Variants in PHLPP1 observed in about 807,000 individuals in gnomAD.
PHLPP1 encodes PH domain and leucine rich repeat protein phosphatase 1, also known as PH domain leucine-rich repeat-containing protein phosphatase 1.
PHLPP1 carries 42 observed loss-of-function variants against 117.2 expected under a neutral mutation model. The observed-to-expected ratio is 0.36, with a 90% CI of 0.28 to 0.46. PHLPP1 has a LOEUF of 0.46. Among genes scored for constraint, PHLPP1 ranks in the 20% least tolerant of loss-of-function variants. The pLI, the probability that PHLPP1 is intolerant of heterozygous loss-of-function variation, is 1.00. For synonymous variants in PHLPP1, 1,042 were observed against 970.7 expected (o/e 1.07, Z -1.37); for missense variants, 2,084 against 2,241.9 (o/e 0.93, Z 1.42).
intron 7 of PHLPP1, among the ~76,000 whole-genome samples, chr18:62,903,756 C>T (rs965049823): frequency 3.4e-5 from 5 of 145,136 alleles, no homozygotes; most frequent in Admixed American, 7.0e-5. Flanking sequence ...GTTGACAGAG[C>T]GAGACCCTGT....
chr18:62,876,290 G>A (rs1300814670), intron 4 of PHLPP1, among the ~76,000 whole-genome samples: 1 of 152,032 alleles, frequency 6.6e-6, no homozygotes, highest in Non-Finnish European at 1.5e-5. Context: ...CACTCATCTT[G>A]CAAGAATGTG....
At chr18:62,720,203 C>T (rs896375496) in intron 1 of PHLPP1, among the ~76,000 whole-genome samples, 12 of 151,992 alleles carry the variant, frequency 7.9e-5, no homozygotes, top group African/African-American at 2.9e-4. Context: ...TAAGGTTGCT[C>T]GACATAAGTT....
At chr18:62,763,445 C>T (rs1441226153) in intron 1 of PHLPP1, among the ~76,000 whole-genome samples, 1 of 152,160 alleles carries the variant, frequency 6.6e-6, no homozygotes, top group Non-Finnish European at 1.5e-5. Context: ...TGGACTCTAC[C>T]TTTTGCCAGG....
rs192105679 is a variant in PHLPP1, at chr18:62,881,782, T to C, written c.2067-13229T>C. On this transcript the variant is annotated intron_variant, in intron 4 of 16. Coordinates refer to ENST00000262719, the MANE Select transcript of PHLPP1 (RefSeq NM_194449.4). ...ATGTGGATTCATTTTAGAAGTCATA[T>C]AGGGACGACAGGAAAAGCACTGTAC... Among the ~76,000 whole-genome samples the C allele has an allele frequency of 8.7e-4, 132 of 152,326 alleles. 1 individual carries two copies. The highest frequency in any genetic ancestry group is 3.1e-3 in the African/African-American group (129 of 41,574).
At chr18:62,897,105 A>T (rs1916582614) in intron 6 of PHLPP1, among the ~76,000 whole-genome samples, 2 of 152,118 alleles carry the variant, frequency 1.3e-5, no homozygotes, top group Non-Finnish European at 2.9e-5. Context: ...GCCCTATTTT[A>T]TTCATCCACC....
chr18:62,866,308 G>A (rs924311763), intron 4 of PHLPP1, among the ~76,000 whole-genome samples: 3 of 151,334 alleles, frequency 2.0e-5, no homozygotes, highest in Non-Finnish European at 2.9e-5. Context: ...GCAATGGTGC[G>A]ATCTTGACTT....
In PHLPP1 at chr18:62,940,270, A is replaced by AT. The variant is rs552036070; in HGVS notation, c.2961-1435dup. Among the ~76,000 whole-genome samples, 513 of 103,292 alleles carry AT rather than the reference A, an allele frequency of 5.0e-3. 2 individuals carry two copies. Among genetic ancestry groups the AT allele is most frequent in the East Asian group, 8.6e-3 (28 of 3,264 alleles). The allele number at this position is 103,292 out of a possible 152,430, so 67.8% of individuals were successfully genotyped here. A position where few individuals can be genotyped will look rare whatever the true frequency, so the allele number is the denominator to read the frequency against. On this transcript the variant is annotated intron_variant, in intron 10 of 16. Transcript: ENST00000262719. ...CTACATTTCACAATCACCGTGGAGGATTTTTTTTTTTTTGGGCAATTTTAC... is the reference window on the plus strand; with the variant it reads ...CTACATTTCACAATCACCGTGGAGGATTTTTTTTTTTTTTGGGCAATTTTAC...
Position 62,821,548 on chromosome 18 carries a change from C to CAAAAAAA in PHLPP1, c.1577-8487_1577-8486insAAAAAAA, listed in dbSNP as rs1568127680. Among the ~76,000 whole-genome samples, 11 of 29,292 alleles carry CAAAAAAA rather than the reference C, an allele frequency of 3.8e-4. 2 individuals are homozygous for CAAAAAAA. The highest frequency in any genetic ancestry group is 1.0e-3 in the Admixed American group (2 of 1,930). 19.2% of individuals were successfully genotyped at this position (29,292 alleles called of 152,430 possible). A position where few individuals can be genotyped will look rare whatever the true frequency, so the allele number is the denominator to read the frequency against. On this transcript the variant is annotated intron_variant, in intron 1 of 16. Transcript: ENST00000262719. ...TGGGTGACAGAGTGAGACCCTTTAT[C>CAAAAAAA]CAAAAAAAAAAAAAAAAAAAAAAGA...
intron 4 of PHLPP1, among the ~76,000 whole-genome samples, chr18:62,877,730 C>A (rs1452361391): frequency 2.0e-5 from 3 of 152,136 alleles, no homozygotes; most frequent in Non-Finnish European, 4.4e-5. Flanking sequence ...TCCCATTTTC[C>A]TTCCCAGAGA....
intron 4 of PHLPP1, among the ~76,000 whole-genome samples, chr18:62,885,799 G>A (rs1916272849): frequency 6.6e-6 from 1 of 152,210 alleles, no homozygotes; most frequent in African/African-American, 2.4e-5. Flanking sequence ...ATTTGCTTAA[G>A]TAGCTTGGAA....
At chr18:62,773,913 G>A (rs1912872771) in intron 1 of PHLPP1, among the ~76,000 whole-genome samples, 1 of 152,254 alleles carries the variant, frequency 6.6e-6, no homozygotes, top group East Asian at 1.9e-4. Context: ...TTCTCACTGT[G>A]TACTCACCTG....
chr18:62,847,246 C>T (rs1439461453), intron 3 of PHLPP1, among the ~76,000 whole-genome samples: 1 of 152,114 alleles, frequency 6.6e-6, no homozygotes, highest in Non-Finnish European at 1.5e-5. Flanking sequence ...TTGGAATTAG[C>T]CGTTGTTGTT....
At chr18:62,901,869 A>C (rs505707) in intron 6 of PHLPP1, among the ~76,000 whole-genome samples, 100,871 of 151,524 alleles carry the variant, frequency 0.67, 34,018 homozygotes, top group Non-Finnish European at 0.71. Flanking sequence ...ACCTCGTGAA[A>C]CACCCACCTC....
rs2144409510 is a variant in PHLPP1, at chr18:62,905,468, G to A, written c.2708+184G>A. Among the ~76,000 whole-genome samples the A allele has an allele frequency of 2.0e-5, 3 of 152,244 alleles. No individual in the cohort carries two copies. The South Asian group carries it at 6.2e-4, about 32-fold the overall frequency. ...TAAAATACATTTGTAGTTCAAACCA[G>A]AGCATCAAAGTGCCTGTGCACACCA... On this transcript the variant is annotated intron_variant, in intron 8 of 16. Coordinates refer to ENST00000262719, the MANE Select transcript of PHLPP1 (RefSeq NM_194449.4).
chr18:62,927,146 C>T (rs1262957864), intron 10 of PHLPP1, among the ~76,000 whole-genome samples: 2 of 152,176 alleles, frequency 1.3e-5, no homozygotes, highest in African/African-American at 4.8e-5. Flanking sequence ...TTCTACAAGA[C>T]AAGTGAACCA....
chr18:62,848,564 A>G (rs1224748980), intron 3 of PHLPP1, among the ~76,000 whole-genome samples: 3 of 150,786 alleles, frequency 2.0e-5, no homozygotes, highest in Admixed American at 1.3e-4. Flanking sequence ...TCCAGGCTCA[A>G]GTGATCCTCC....
chr18:62,766,076 A>AAAAAAAAAATAT lies in PHLPP1; in HGVS notation c.1576+48818_1576+48819insAAAAAAAATATA. On this transcript the variant is annotated intron_variant, in intron 1 of 16. Coordinates refer to ENST00000262719, the MANE Select transcript of PHLPP1 (RefSeq NM_194449.4). ...ACTCCATCTCAAAAAAAAAAAAAAAAATATATATATATATATATATATATA... is the reference window on the plus strand; with the variant it reads ...ACTCCATCTCAAAAAAAAAAAAAAAAAAAAAAAAATATATATATATATATATATATATATATA... Among the ~76,000 whole-genome samples, 9 of 21,662 alleles carry AAAAAAAAAATAT rather than the reference A, an allele frequency of 4.2e-4. 1 individual carries two copies. The highest frequency in any genetic ancestry group is 6.8e-4 in the Non-Finnish European group (8 of 11,800). 14.2% of individuals were successfully genotyped at this position (21,662 alleles called of 152,430 possible).
intron 8 of PHLPP1, among the ~76,000 whole-genome samples, chr18:62,912,739 C>T (rs1916992233): frequency 6.6e-6 from 1 of 152,158 alleles, no homozygotes; most frequent in Non-Finnish European, 1.5e-5. Flanking sequence ...CCTGCTCCAG[C>T]CTCCTGAGCA....
intron 4 of PHLPP1, among the ~76,000 whole-genome samples, chr18:62,875,634 G>A (rs1269989984): frequency 6.6e-6 from 1 of 151,954 alleles, no homozygotes; most frequent in East Asian, 1.9e-4. Context: ...TGAATGGTGG[G>A]GGAAGTGCCT....
Sources: allele counts gnomAD v4.1 joint callset (sites outside exome capture counted in the v4.1 genomes callset), GRCh38; gene constraint gnomAD v4.1.1; transcripts MANE v1.5; gene names NCBI Gene and HGNC (gene_info 2026-07-23, HGNC 2026-07-21).